The following DENND1A variants were observed in gnomAD, a reference collection of about 807,000 sequenced individuals.
The protein encoded by DENND1A is DENN domain-containing protein 1A.
In DENND1A, 51 loss-of-function variants were observed where a neutral mutation model predicts 113.7. The ratio of observed to expected loss-of-function variants is 0.45; its 90% CI spans 0.36 to 0.57. The LOEUF (loss-of-function observed/expected upper bound fraction) is 0.57. Among genes scored for constraint, DENND1A ranks in the 20% least tolerant of loss-of-function variants. DENND1A has a pLI of 0.00. For missense variants in DENND1A, 1,258 were observed against 1,395.9 expected (o/e 0.90, Z 1.57); for synonymous variants, 565 against 570.8 (o/e 0.99, Z 0.14).
At chr9:123,914,307 G>C (rs566211614) in intron 1 of DENND1A, among the ~76,000 whole-genome samples, 1 of 151,916 alleles carries the variant, frequency 6.6e-6, no homozygotes, top group Non-Finnish European at 1.5e-5. Context: ...GGGAGGCCGA[G>C]GTGGGTGGAT....
intron 13 of DENND1A, among the ~76,000 whole-genome samples, chr9:123,531,536 T>C (rs1425277930): frequency 6.9e-6 from 1 of 145,514 alleles, no homozygotes; most frequent in African/African-American, 2.6e-5. Context: ...TTTATCCTTC[T>C]CTTCCCCCCT....
chr9:123,681,023 A>G (rs2064414199), intron 5 of DENND1A, among the ~76,000 whole-genome samples: 1 of 152,092 alleles, frequency 6.6e-6, no homozygotes, highest in Non-Finnish European at 1.5e-5. Flanking sequence ...AGGGTGTCCC[A>G]CTGAGGGGTC....
chr9:123,757,954 A>G (rs974404518), intron 4 of DENND1A, 132 bp from the exon 5 acceptor site: 1 of 1,091,714 alleles, frequency 9.2e-7, no homozygotes, highest in Non-Finnish European at 1.2e-6. Flanking sequence ...ACACATTTCA[A>G]GGGAACAGAC....
intron 13 of DENND1A, among the ~76,000 whole-genome samples, chr9:123,544,554 A>G (rs146896497): frequency 2.2e-4 from 33 of 152,326 alleles, no homozygotes; most frequent in Non-Finnish European, 3.2e-4. Flanking sequence ...GGTCACCAGA[A>G]CCAGGCAGAT....
chr9:123,619,403 T>C (rs1377816979), intron 10 of DENND1A, among the ~76,000 whole-genome samples: 1 of 151,696 alleles, frequency 6.6e-6, no homozygotes, highest in Non-Finnish European at 1.5e-5. Flanking sequence ...TCTGTATACA[T>C]ACATTGATTG....
intron 1 of DENND1A, among the ~76,000 whole-genome samples, chr9:123,908,873 A>G (rs1853414240): frequency 1.3e-5 from 2 of 152,220 alleles, no homozygotes; most frequent in Admixed American, 6.5e-5. Flanking sequence ...ACTATAAATC[A>G]TGCTGCTATA....
intron 18 of DENND1A, among the ~76,000 whole-genome samples, chr9:123,445,534 A>G (rs899405249): frequency 1.3e-5 from 2 of 152,224 alleles, no homozygotes; most frequent in Admixed American, 6.5e-5. Flanking sequence ...GTGTGTGCAC[A>G]TGGGTATGTG....
intron 13 of DENND1A, among the ~76,000 whole-genome samples, chr9:123,534,693 C>T (rs78062643): frequency 0.055 from 8,331 of 152,280 alleles, 321 homozygotes; most frequent in Admixed American, 0.086. Context: ...AAACAAAACA[C>T]TGTCTTGGTC....
At chr9:123,400,085 G>A (rs2043350409) in intron 21 of DENND1A, 1 of 152,232 alleles carries the variant, frequency 6.6e-6, no homozygotes, top group Non-Finnish European at 1.5e-5. Context: ...AATAGTAATG[G>A]AAGTAGCCAG....
At chr9:123,588,819 G>A (rs2059324438) in intron 11 of DENND1A, among the ~76,000 whole-genome samples, 1 of 150,920 alleles carries the variant, frequency 6.6e-6, no homozygotes, top group Non-Finnish European at 1.5e-5. Flanking sequence ...CCAGGCTGGA[G>A]TGCAGTGGCA....
chr9:123,829,704 A>G (rs973139468), intron 2 of DENND1A, among the ~76,000 whole-genome samples: 1 of 152,164 alleles, frequency 6.6e-6, no homozygotes, highest in African/African-American at 2.4e-5. Flanking sequence ...TATAATAACT[A>G]TTAAATACAG....
chr9:123,610,651 T>C (rs981067038), intron 10 of DENND1A, among the ~76,000 whole-genome samples: 5 of 152,182 alleles, frequency 3.3e-5, no homozygotes, highest in Non-Finnish European at 7.3e-5. Context: ...GTGCAGATGG[T>C]ATTTTGTGAA....
intron 5 of DENND1A, among the ~76,000 whole-genome samples, chr9:123,707,387 C>T (rs951865809): frequency 6.7e-6 from 1 of 148,770 alleles, no homozygotes. Context: ...AGAGCGTTAA[C>T]TCCATCTCAA....
intron 1 of DENND1A, among the ~76,000 whole-genome samples, chr9:123,894,949 A>G (rs1476497384): frequency 6.6e-6 from 1 of 152,186 alleles, no homozygotes; most frequent in African/African-American, 2.4e-5. Context: ...GATTTTAAAC[A>G]AGAGACACAT....
intron 5 of DENND1A, among the ~76,000 whole-genome samples, chr9:123,744,498 A>G (rs1350237902): frequency 2.0e-5 from 3 of 152,200 alleles, no homozygotes; most frequent in African/African-American, 7.2e-5. Flanking sequence ...CCCAAAGTGG[A>G]AAAAATGTTA....
intron 3 of DENND1A, among the ~76,000 whole-genome samples, chr9:123,782,986 G>C (rs993916701): frequency 1.3e-5 from 2 of 151,854 alleles, no homozygotes; most frequent in African/African-American, 4.8e-5. Flanking sequence ...ATAATAGTCA[G>C]AGGAATCTTT....
chr9:123,424,680 T>G (rs572003985), intron 19 of DENND1A, among the ~76,000 whole-genome samples: 8 of 152,308 alleles, frequency 5.3e-5, no homozygotes, highest in African/African-American at 1.9e-4. Flanking sequence ...CAGCATCAGA[T>G]AGGCCTGGAT....
chr9:123,516,642 CTT>C (rs1403886839), intron 13 of DENND1A, among the ~76,000 whole-genome samples: 1 of 152,014 alleles, frequency 6.6e-6, no homozygotes, highest in Admixed American at 6.5e-5. Flanking sequence ...AATCCCAGCA[CTT>C]TGAGAGGCCA....
chr9:123,617,538 G>T (rs2060716736), intron 10 of DENND1A, among the ~76,000 whole-genome samples: 1 of 152,206 alleles, frequency 6.6e-6, no homozygotes, highest in Non-Finnish European at 1.5e-5. Flanking sequence ...GGACCCAACA[G>T]AAATGAACAC....
Sources: gnomAD v4.1 joint callset for allele counts (sites outside exome capture counted in the v4.1 genomes callset) on GRCh38, gnomAD v4.1.1 for gene constraint, MANE v1.5 for transcripts, NCBI Gene and HGNC (gene_info 2026-07-23, HGNC 2026-07-21) for gene names.